Variants in CNBD1 observed in about 807,000 individuals in gnomAD.
CNBD1 encodes the protein cyclic nucleotide-binding domain-containing protein 1.
CNBD1 carries 71 observed loss-of-function variants against 54.4 expected under a neutral mutation model. The observed-to-expected ratio is 1.30, with a 90% confidence interval of 1.08 to 1.59. The LOEUF is 1.59. Among genes scored for constraint, CNBD1 ranks in the 40% most tolerant of loss-of-function variants. The pLI is 0.00. For synonymous variants in CNBD1, 182 were observed against 170.7 expected (o/e 1.07, Z -0.51); for missense variants, 659 against 518.0 (o/e 1.27, Z -2.64).
At chr8:86,994,021 C>T (rs1469278807) in intron 4 of CNBD1, among the ~76,000 whole-genome samples, 1 of 152,154 alleles carries the variant, frequency 6.6e-6, no homozygotes, top group African/African-American at 2.4e-5. Flanking sequence ...CCTTTTCCAG[C>T]CCAGCCCAGT....
intron 4 of CNBD1, among the ~76,000 whole-genome samples, chr8:87,181,169 C>T (rs1045356369): frequency 3.3e-5 from 5 of 152,236 alleles, no homozygotes; most frequent in Non-Finnish European, 5.9e-5. Flanking sequence ...GAGTGATGAA[C>T]AGATCTATGT....
At chr8:87,102,906 G>A (rs1208456599) in intron 4 of CNBD1, among the ~76,000 whole-genome samples, 1 of 152,086 alleles carries the variant, frequency 6.6e-6, no homozygotes, top group Admixed American at 6.5e-5. Context: ...GAGCCACAGC[G>A]CTCGGCCACA....
chr8:87,182,039 C>T lies in CNBD1; in HGVS notation c.432-23954C>T, dbSNP rs763268974. On this transcript the variant is annotated intron_variant, in intron 4 of 10. Transcript: ENST00000518476. The surrounding 1 kb of genome is among the most constrained non-coding windows in gnomAD (Gnocchi z 4.1). ...TGATAGGTAGTTTTTTGACCTTCAC[C>T]CTGCTCCTAACATCTCACTTGAAGT... is the stretch of plus-strand genomic sequence containing the variant. Among the ~76,000 whole-genome samples, 2 of 152,058 alleles carry T rather than the reference C, an allele frequency of 1.3e-5. No homozygotes were observed. Among genetic ancestry groups the T allele is most frequent in the Non-Finnish European group, 2.9e-5 (2 of 68,008 alleles).
chr8:86,938,328 C>G (rs1467141030), intron 3 of CNBD1, among the ~76,000 whole-genome samples: 5 of 152,172 alleles, frequency 3.3e-5, no homozygotes, highest in Admixed American at 2.6e-4. Flanking sequence ...TTCTTCTGAG[C>G]CTTCCAAACT....
intron 8 of CNBD1, among the ~76,000 whole-genome samples, chr8:87,337,328 G>A (rs1308960718): frequency 1.3e-5 from 2 of 152,120 alleles, no homozygotes; most frequent in Non-Finnish European, 2.9e-5. Context: ...TGGTTTGTGG[G>A]GACTTCTGCT....
intron 3 of CNBD1, among the ~76,000 whole-genome samples, chr8:86,920,337 G>A (rs758550906): frequency 6.6e-6 from 1 of 152,152 alleles, no homozygotes; most frequent in Non-Finnish European, 1.5e-5. Flanking sequence ...AAGAAAAAGA[G>A]AGAAAGAGGT....
intron 8 of CNBD1, among the ~76,000 whole-genome samples, chr8:87,318,576 C>T (rs979586857): frequency 6.6e-6 from 1 of 152,006 alleles, no homozygotes; most frequent in Non-Finnish European, 1.5e-5. Context: ...GTGCTTTCCT[C>T]ACATGCAAGG....
At chr8:87,335,247 C>T (rs759799250) in intron 8 of CNBD1, among the ~76,000 whole-genome samples, 1 of 152,040 alleles carries the variant, frequency 6.6e-6, no homozygotes, top group African/African-American at 2.4e-5. Flanking sequence ...GAGTTTGAAT[C>T]CTGAATATCC....
chr8:86,936,802 A>T (rs958412420), intron 3 of CNBD1, among the ~76,000 whole-genome samples: 3 of 152,102 alleles, frequency 2.0e-5, no homozygotes, highest in African/African-American at 7.2e-5. Flanking sequence ...TAGGTTACCA[A>T]ATTAGACTTA....
chr8:86,903,399 T>A (rs1808968854), intron 2 of CNBD1, among the ~76,000 whole-genome samples: 1 of 152,176 alleles, frequency 6.6e-6, no homozygotes, highest in Non-Finnish European at 1.5e-5. Context: ...AATTTTGTAG[T>A]ATAGGCTGCA....
intron 4 of CNBD1, among the ~76,000 whole-genome samples, chr8:87,203,049 C>T (rs1288798047): frequency 6.6e-6 from 1 of 152,186 alleles, no homozygotes; most frequent in East Asian, 1.9e-4. Flanking sequence ...AACCCTGCCA[C>T]TTAGTTCTGT....
intron 4 of CNBD1, among the ~76,000 whole-genome samples, chr8:87,135,601 T>A (rs565197205): frequency 5.0e-4 from 74 of 148,154 alleles, no homozygotes; most frequent in African/African-American, 1.7e-3. Flanking sequence ...TATAAACACA[T>A]ATATTCTATA....
intron 4 of CNBD1, among the ~76,000 whole-genome samples, chr8:87,124,786 T>C (rs976915675): frequency 2.6e-5 from 4 of 151,682 alleles, no homozygotes; most frequent in African/African-American, 7.3e-5. Flanking sequence ...ATTATAGTAC[T>C]GGAAGTCCTA....
At chr8:86,967,820 C>A (rs1262129433) in intron 4 of CNBD1, among the ~76,000 whole-genome samples, 6 of 148,022 alleles carry the variant, frequency 4.1e-5, no homozygotes, top group Non-Finnish European at 5.9e-5. Flanking sequence ...TTTTTTTTAA[C>A]CTGCAGTTTT....
intron 4 of CNBD1, among the ~76,000 whole-genome samples, chr8:87,012,318 C>T (rs1294429427): frequency 6.6e-6 from 1 of 152,120 alleles, no homozygotes; most frequent in African/African-American, 2.4e-5. Flanking sequence ...AAATTCCTGC[C>T]TAAGAGGTCT....
intron 2 of CNBD1, among the ~76,000 whole-genome samples, chr8:87,425,257 T>C (rs1438403538): frequency 6.6e-6 from 1 of 152,154 alleles, no homozygotes. Context: ...TTCTTTGCCT[T>C]TGGTTTGAAT....
chr8:86,933,788 A>G (rs1412266217), intron 3 of CNBD1, among the ~76,000 whole-genome samples: 1 of 152,132 alleles, frequency 6.6e-6, no homozygotes, highest in Non-Finnish European at 1.5e-5. Context: ...ATTAATATAA[A>G]CAATACCAAA....
In CNBD1 at chr8:86,946,441, A is replaced by G. The variant is rs113752758; in HGVS notation, c.431+6687A>G. ...ATTGTTTAGACATAAGCAAACATCT[A>G]TTATAATATTTCTTATAAAAATTAT... is the stretch of plus-strand genomic sequence containing the variant. On this transcript the variant is annotated intron_variant, in intron 4 of 10. Transcript: ENST00000518476. Among the ~76,000 whole-genome samples the G allele has an allele frequency of 4.6e-3, 699 of 152,234 alleles. 4 individuals carry two copies. The highest frequency in any genetic ancestry group is 0.01 in the Middle Eastern group (3 of 294).
At chr8:87,210,982 C>G (rs1814085588) in intron 5 of CNBD1, among the ~76,000 whole-genome samples, 1 of 152,174 alleles carries the variant, frequency 6.6e-6, no homozygotes, top group Admixed American at 6.5e-5. Context: ...TACTCAACTC[C>G]TACCCCTGAG....
Sources: allele counts gnomAD v4.1 joint callset (sites outside exome capture counted in the v4.1 genomes callset), GRCh38; gene constraint gnomAD v4.1.1; non-coding constraint Gnocchi (gnomAD v3.1); transcripts MANE v1.5; gene names NCBI Gene and HGNC (gene_info 2026-07-23, HGNC 2026-07-21).